The following AGXT2 variants were observed in gnomAD, a reference collection of about 807,000 sequenced individuals.
The protein encoded by AGXT2 is alanine--glyoxylate aminotransferase 2, mitochondrial.
A neutral mutation model predicts 62.5 loss-of-function variants in AGXT2; 61 were observed. The ratio of observed to expected loss-of-function variants is 0.98; its 90% confidence interval spans 0.79 to 1.21. The LOEUF is 1.21. Among genes scored for constraint, AGXT2 ranks in the 50% most tolerant of loss-of-function variants. The probability of loss-of-function intolerance (pLI) is 0.00; values close to 1 mark genes in which losing one functional copy is unlikely to be tolerated. For synonymous variants in AGXT2, 243 were observed against 218.7 expected (o/e 1.11, Z -0.98); for missense variants, 666 against 641.5 (o/e 1.04, Z -0.41).
intron 6 of AGXT2, 129 bp from the exon 7 acceptor site, chr5:35,032,954 T>C (rs1767627270): frequency 2.6e-6 from 2 of 775,852 alleles, no homozygotes; most frequent in Non-Finnish European, 4.4e-6. Flanking sequence ...CCACTTAAGA[T>C]GAAAATTGAA....
At chr5:35,010,179 C>A (rs1322456639) in intron 11 of AGXT2, 30 bp from the exon 12 acceptor site, 1 of 1,613,842 alleles carries the variant, frequency 6.2e-7, no homozygotes, top group Non-Finnish European at 8.5e-7. Flanking sequence ...AATGATCTTA[C>A]ATGGCAGAAG....
chr5:35,011,957 C>T (rs903963104), intron 11 of AGXT2, among the ~76,000 whole-genome samples: 12 of 144,582 alleles, frequency 8.3e-5, no homozygotes, highest in East Asian at 2.0e-4. Context: ...CACACACACA[C>T]GCCATGGAAT....
At chr5:35,018,203 G>A (rs1580584510) in intron 9 of AGXT2, among the ~76,000 whole-genome samples, 1 of 152,086 alleles carries the variant, frequency 6.6e-6, no homozygotes, top group Non-Finnish European at 1.5e-5. Context: ...CCAACATTCA[G>A]ATTCAGGAAA....
chr5:35,009,297 A>G (rs1327148142), intron 12 of AGXT2, among the ~76,000 whole-genome samples: 1 of 149,750 alleles, frequency 6.7e-6, no homozygotes, highest in Non-Finnish European at 1.5e-5. Context: ...GCATGCAAAC[A>G]AACAAAACTC....
At chr5:35,002,776 T>G (rs909467825) in intron 13 of AGXT2, among the ~76,000 whole-genome samples, 2 of 122,938 alleles carry the variant, frequency 1.6e-5, no homozygotes, top group African/African-American at 6.2e-5. Context: ...GATAGCAGGC[T>G]GGGGGGGGGG....
At chr5:35,000,245 C>CACCA (rs1554032591) in intron 13 of AGXT2, among the ~76,000 whole-genome samples, 1 of 151,650 alleles carries the variant, frequency 6.6e-6, no homozygotes, top group Non-Finnish European at 1.5e-5. Flanking sequence ...CTTTGGAATT[C>CACCA]CCCCACTTCC....
intron 7 of AGXT2, among the ~76,000 whole-genome samples, chr5:35,031,129 T>A (rs1186498032): frequency 1.3e-5 from 2 of 152,186 alleles, no homozygotes; most frequent in Non-Finnish European, 2.9e-5. Flanking sequence ...CTTGGGTTTA[T>A]CTTGACGGCA....
intron 9 of AGXT2, among the ~76,000 whole-genome samples, chr5:35,018,116 C>T (rs897755765): frequency 5.3e-5 from 8 of 152,124 alleles, no homozygotes; most frequent in East Asian, 1.9e-4. Context: ...CTGAAAGTGA[C>T]AGGGAGAATG....
chr5:35,015,849 CAAA>C (rs557021858), intron 9 of AGXT2, among the ~76,000 whole-genome samples: 8,181 of 69,142 alleles, frequency 0.12, 213 homozygotes, highest in South Asian at 0.21. Context: ...GACTCCATCT[CAAA>C]AAAAAAAAAA....
chr5:34,999,118 G>A (rs1051283691), intron 13 of AGXT2, among the ~76,000 whole-genome samples: 2 of 152,116 alleles, frequency 1.3e-5, no homozygotes, highest in East Asian at 3.9e-4. Flanking sequence ...CTCCATTTCT[G>A]CCCAGGGTGA....
rs148286156 is a variant in AGXT2, at chr5:35,023,594, T to A, written c.963+2169A>T. Among the ~76,000 whole-genome samples the A allele has an allele frequency of 3.9e-3, 600 of 152,334 alleles. 3 individuals carry two copies. The highest frequency in any genetic ancestry group is 0.014 in the African/African-American group (580 of 41,570). On this transcript the variant is annotated intron_variant, in intron 9 of 13. Coordinates refer to ENST00000231420, the MANE Select transcript of AGXT2 (RefSeq NM_031900.4). Reference sequence around the variant, plus strand: ...ATGTGCTGATTTGGAGGCCAAAGTTTATCCTTTTTACTGATGTAGCTAATT... The same window carrying A: ...ATGTGCTGATTTGGAGGCCAAAGTTAATCCTTTTTACTGATGTAGCTAATT...
chr5:35,001,290 G>A (rs1244883799), intron 13 of AGXT2, among the ~76,000 whole-genome samples: 1 of 152,120 alleles, frequency 6.6e-6, no homozygotes, highest in Non-Finnish European at 1.5e-5. Context: ...CTTCTTCCTC[G>A]ACTCTCTCTG....
At chr5:35,028,597 GAGAGAGAGAGAGAGAGAGAGAGAAA>G (rs879410337) in intron 7 of AGXT2, among the ~76,000 whole-genome samples, 11,038 of 127,244 alleles carry the variant, frequency 0.087, 827 homozygotes, top group Middle Eastern at 0.12. Context: ...GAGAGAGAGA[GAGAGAGAGAGAGAGAGAGAGAGAAA>G]TTCTTCTACT....
At chr5:35,025,347 A>G (rs1767292053) in intron 9 of AGXT2, among the ~76,000 whole-genome samples, 1 of 152,254 alleles carries the variant, frequency 6.6e-6, no homozygotes, top group South Asian at 2.1e-4. Flanking sequence ...ACTGTACTTC[A>G]GCCTGGATGA....
chr5:35,040,498 A>T, intron 2 of AGXT2, 77 bp downstream of exon 2: 1 of 1,380,508 alleles, frequency 7.2e-7, no homozygotes, highest in Non-Finnish European at 1.0e-6. Context: ...TTTTTGTGTC[A>T]TTCTTAAGGA....
At chr5:35,032,420 A>G (rs1017449681) in intron 7 of AGXT2, among the ~76,000 whole-genome samples, 3 of 152,206 alleles carry the variant, frequency 2.0e-5, no homozygotes, top group African/African-American at 7.2e-5. Context: ...CACCAGAGCT[A>G]TTGCTATTAT....
intron 5 of AGXT2, 134 bp downstream of exon 5, chr5:35,035,088 T>G: frequency 2.4e-6 from 2 of 820,816 alleles, no homozygotes; most frequent in Admixed American, 4.1e-5. Context: ...GACCTATCCT[T>G]CCTTAAAACT....
rs1310807987 is a variant in AGXT2, at chr5:35,042,735, CCTGTGT to C, written c.89-2078_89-2073del. 1.7e-5 allele frequency among the ~76,000 whole-genome samples: 2 copies of C among 119,954 alleles called. 1 individual carries two copies. The highest frequency in any genetic ancestry group is 7.6e-5 in the African/African-American group (2 of 26,416). The allele number at this position is 119,954 out of a possible 152,430, so 78.7% of individuals were successfully genotyped here. A position where few individuals can be genotyped will look rare whatever the true frequency, so the allele number is the denominator to read the frequency against. ...GTATGTGTATATATGCATATGCATA[CCTGTGT>C]GTGTGTGTGTGTGTGTGTGTGTGTG... On this transcript the variant is annotated intron_variant, in intron 1 of 13. Coordinates refer to ENST00000231420, the MANE Select transcript of AGXT2 (RefSeq NM_031900.4).
intron 7 of AGXT2, among the ~76,000 whole-genome samples, chr5:35,032,437 G>A (rs13174848): frequency 0.27 from 41,596 of 152,088 alleles, 6,186 homozygotes; most frequent in Non-Finnish European, 0.34. Flanking sequence ...TTATAATAGA[G>A]CTAATAGAAT....
Sources: gnomAD v4.1 joint callset for allele counts (sites outside exome capture counted in the v4.1 genomes callset) on GRCh38, gnomAD v4.1.1 for gene constraint, MANE v1.5 for transcripts, NCBI Gene and HGNC (gene_info 2026-07-23, HGNC 2026-07-21) for gene names.